PCDH12: variants seen among roughly 807,000 people sequenced by gnomAD.
The protein encoded by PCDH12 is protocadherin 12.
A neutral mutation model predicts 70.9 loss-of-function variants in PCDH12; 45 were observed. That is an observed-to-expected ratio of 0.63 (90% CI 0.50 to 0.81). The LOEUF is 0.81. PCDH12 is among the 40% of genes least tolerant of loss of function. The pLI is 0.00. For missense variants in PCDH12, 1,370 were observed against 1,491.7 expected (o/e 0.92, Z 1.34); for synonymous variants, 567 against 626.0 (o/e 0.91, Z 1.41).
chr5:141,951,596 A>C lies in PCDH12; in HGVS notation c.2881-6T>G, dbSNP rs1753083546. 6.2e-7 allele frequency: 1 copy of C among 1,611,118 alleles called. No individual in the cohort carries two copies. The highest frequency in any genetic ancestry group is 8.5e-7 in the Non-Finnish European group (1 of 1,177,294). On this transcript the variant is annotated splice_polypyrimidine_tract_variant and splice_region_variant and intron_variant, in intron 1 of 3. Coordinates refer to ENST00000231484, the MANE Select transcript of PCDH12 (RefSeq NM_016580.4). ...GACAGCAGCTGGGAGATTTGCTACA[A>C]GACAGGAAAAATCTGTTGACTCCAC... is the stretch of plus-strand genomic sequence containing the variant.
intron 3 of PCDH12, among the ~76,000 whole-genome samples, chr5:141,947,812 G>A (rs1408462396): frequency 6.6e-6 from 1 of 152,174 alleles, no homozygotes; most frequent in Non-Finnish European, 1.5e-5. Flanking sequence ...AGTCCAGCCT[G>A]TGAGCAGCAA....
rs1053113285 is a variant in PCDH12 at position 141,957,997 on chromosome 5, T to C, written c.-146A>G. The C allele has an allele frequency of 1.1e-6, 1 of 919,368 alleles. No homozygotes were observed. Among genetic ancestry groups the C allele is most frequent in the Non-Finnish European group, 1.6e-6 (1 of 624,796 alleles). 57.0% of individuals were successfully genotyped at this position (919,368 alleles called of 1,614,324 possible). On this transcript the variant is annotated 5_prime_UTR_variant, in exon 1 of 4. Transcript: ENST00000231484. This position sits in a 1 kb window ranked among gnomAD's most constrained non-coding sequence, Gnocchi z 4.3. ...ACAACCTTGTCCCATAGTTAGATGA[T>C]TATGAAACAAGCAGGACCCCAAGGC...
In PCDH12 at chr5:141,945,685, G is replaced by C. The variant is rs138061122; in HGVS notation, c.3251C>G (p.Pro1084Arg). The C allele has an allele frequency of 2.0e-5, 33 of 1,614,028 alleles. No homozygotes were observed. The highest frequency in any genetic ancestry group is 2.7e-5 in the African/African-American group (2 of 74,922). The change falls in exon 4 of 4, where the codon CCA (proline) becomes CGA (arginine). Residue 1084 changes from proline (P) to arginine (R), a missense_variant. Coordinates refer to ENST00000231484, the MANE Select transcript of PCDH12 (RefSeq NM_016580.4). The part of the protein sequence containing the change: ...ISPDAAATEE[P>R]RTFQTFGKAE... ...CTTGCCGAACGTCTGGAAGGTCCTT[G>C]GCTCCTCCGTGGCTGCAGCATCCGG...
rs769557227 is a variant in PCDH12 at position 141,955,866 on chromosome 5, A to T, written c.1986T>A (p.Asn662Lys). 1 of 1,614,000 alleles carries T rather than the reference A, an allele frequency of 6.2e-7. No homozygotes were observed. Among genetic ancestry groups the T allele is most frequent in the Non-Finnish European group, 8.5e-7 (1 of 1,180,026 alleles). ...HTGQLFVNVT[N>K]ASSLIGSEWE... ...ACTCACTCCCAATGAGGCTGCTGGC[A>T]TTGGTGACATTGACGAACAGCTGCC... Residue 662 changes from asparagine to lysine, a missense_variant, in exon 1 of 4, where the codon AAT becomes AAA. Asn to Lys is a moderately conservative substitution (Grantham distance 94). Coordinates refer to ENST00000231484, the MANE Select transcript of PCDH12 (RefSeq NM_016580.4). The surrounding 1 kb of genome is among the most constrained non-coding windows in gnomAD (Gnocchi z 5.5).
At chr5:141,954,852 A>G (rs1449208929) in intron 1 of PCDH12, 120 bp downstream of exon 1, 76 of 1,317,016 alleles carry the variant, frequency 5.8e-5, no homozygotes, top group Non-Finnish European at 7.9e-5. Context: ...CCAAAGCATC[A>G]GAAAGTGCCA....
In PCDH12 at chr5:141,957,428, G is replaced by T. The variant is rs201147415; in HGVS notation, c.424C>A (p.Leu142Met). The T allele has an allele frequency of 1.9e-6, 3 of 1,612,546 alleles. No homozygotes were observed. Among genetic ancestry groups the T allele is most frequent in the Non-Finnish European group, 2.5e-6 (3 of 1,179,324 alleles). The change falls in exon 1 of 4, where the codon CTG (leucine) becomes ATG (methionine). Residue 142 changes from leucine (L) to methionine (M), a missense_variant. Leu to Met is a conservative substitution (Grantham distance 15). Coordinates refer to ENST00000231484, the MANE Select transcript of PCDH12 (RefSeq NM_016580.4). This position sits in a 1 kb window ranked among gnomAD's most constrained non-coding sequence, Gnocchi z 4.3. ...AGAGAGGCGCTCTCAGAGATTTCCAGCTCCTGCTCGCCTTTGGGAAACCGT... is the reference window on the plus strand; with the variant it reads ...AGAGAGGCGCTCTCAGAGATTTCCATCTCCTGCTCGCCTTTGGGAAACCGT... ...QPRFPKGEQELEISESASLRT... is the reference protein window; with the variant it reads ...QPRFPKGEQEMEISESASLRT...
Position 141,956,486 on chromosome 5 carries a change from TGTC to T in PCDH12, c.1363_1365del (p.Asp455del), listed in dbSNP as rs1400614705. 1.9e-6 allele frequency: 3 copies of T among 1,614,096 alleles called. No individual in the cohort carries two copies. The highest frequency in any genetic ancestry group is 2.5e-6 in the Non-Finnish European group (3 of 1,180,038). On this transcript the variant is annotated inframe_deletion, in exon 1 of 4. Coordinates refer to ENST00000231484, the MANE Select transcript of PCDH12 (RefSeq NM_016580.4). ...CTGCTTTTCTCAAACACAGGTGCAT[TGTC>T]GTTGATGTCACTGATCTGAATGCTG... is the stretch of plus-strand genomic sequence containing the variant.
intron 2 of PCDH12, 148 bp from the exon 3 acceptor site, chr5:141,949,731 A>T (rs1753037677): frequency 3.8e-6 from 3 of 794,308 alleles, no homozygotes; most frequent in Non-Finnish European, 5.8e-6. Flanking sequence ...GGATCATGTG[A>T]TTCCCGCCCT....
In PCDH12 at chr5:141,951,440, A is replaced by C. The variant is rs568395520; in HGVS notation, c.2978+53T>G. The C allele has an allele frequency of 6.3e-5, 84 of 1,333,040 alleles. No individual in the cohort carries two copies. In the African/African-American group the frequency reaches 1.0e-3, roughly 16 times the overall value. 82.6% of individuals were successfully genotyped at this position (1,333,040 alleles called of 1,614,324 possible). On this transcript the variant is annotated intron_variant, in intron 2 of 3. Coordinates refer to ENST00000231484, the MANE Select transcript of PCDH12 (RefSeq NM_016580.4). ...CTCACTCACAGAGGCTGCAGTGATG[A>C]GGGGCGGCCAGTAGGGGCCTTGAGA...
chr5:141,957,599 A>G lies in PCDH12; in HGVS notation c.253T>C (p.Leu85=), dbSNP rs908791064. The change falls in exon 1 of 4, where the codon TTG becomes CTG. Residue 85 remains leucine, a synonymous_variant. Coordinates refer to ENST00000231484, the MANE Select transcript of PCDH12 (RefSeq NM_016580.4). The surrounding 1 kb of genome is among the most constrained non-coding windows in gnomAD (Gnocchi z 4.3). ...TCCAGCCGCCTGCCTGTGCTGAGCA[A>G]GCCTTCCTCAGAGTCCACCTGAATG... ...LPIQVDSEEG[L]LSTGRRLDRE... 6.2e-7 allele frequency: 1 copy of G among 1,614,180 alleles called. No homozygotes were observed. The highest frequency in any genetic ancestry group is 1.3e-5 in the African/African-American group (1 of 75,042).
At position 141,951,483 on chromosome 5, in the gene PCDH12, T is replaced by A. The variant is rs1218297988; in HGVS notation, c.2978+10A>T. The A allele has an allele frequency of 6.2e-7, 1 of 1,611,556 alleles. No homozygotes were observed. Among genetic ancestry groups the A allele is most frequent in the Non-Finnish European group, 8.5e-7 (1 of 1,177,740 alleles). On this transcript the variant is annotated intron_variant, in intron 2 of 3. Transcript: ENST00000231484. ...CCTTGAGATGCCTGTGGGGGCTACGTGCTGCTTACCTGCTGCCTCCTGGCT... is the reference window on the plus strand; with the variant it reads ...CCTTGAGATGCCTGTGGGGGCTACGAGCTGCTTACCTGCTGCCTCCTGGCT...
chr5:141,945,791 G>A lies in PCDH12; in HGVS notation c.3145C>T (p.Arg1049Trp), dbSNP rs200233494. 2.3e-5 allele frequency: 37 copies of A among 1,612,304 alleles called. No individual in the cohort carries two copies. The highest frequency in any genetic ancestry group is 3.5e-4 in the Middle Eastern group (2 of 5,650). Residue 1049 changes from arginine (R) to tryptophan (W), a missense_variant, in exon 4 of 4, where the codon CGG (arginine) becomes TGG (tryptophan). Arg to Trp is a moderately radical substitution (Grantham distance 101). Coordinates refer to ENST00000231484, the MANE Select transcript of PCDH12 (RefSeq NM_016580.4). ...LDPSTGLALD[R>W]LSAPDPAWMA... ...CAGGCCGGGTCAGGGGCGCTCAGCC[G>A]GTCCAGGGCCAGACCTGTGGGGGAA... is the stretch of plus-strand genomic sequence containing the variant.
At position 141,955,526 on chromosome 5, in the gene PCDH12, G is replaced by T. The variant is rs763675085; in HGVS notation, c.2326C>A (p.His776Asn). The T allele has an allele frequency of 6.2e-7, 1 of 1,614,138 alleles. No homozygotes were observed. The change falls in exon 1 of 4, where the codon CAC (histidine) becomes AAC (asparagine). Residue 776 changes from histidine (H) to asparagine (N), a missense_variant. Transcript: ENST00000231484. This position sits in a 1 kb window ranked among gnomAD's most constrained non-coding sequence, Gnocchi z 5.5. Reference protein sequence around the residue: ...PQKHIQKADIHLVPVLRGQAG... With the variant: ...PQKHIQKADINLVPVLRGQAG... ...TGACCCCTGAGCACAGGCACGAGGT[G>T]GATGTCTGCCTTCTGAATGTGTTTC...
intron 1 of PCDH12, among the ~76,000 whole-genome samples, chr5:141,954,395 G>A (rs1340823733): frequency 6.6e-6 from 1 of 152,228 alleles, no homozygotes; most frequent in Non-Finnish European, 1.5e-5. Context: ...GAAGTGCTTT[G>A]AGGAAGTAAT....
chr5:141,945,177 A>AAGACT lies in PCDH12; in HGVS notation c.*199_*203dup. 2 of 654,894 alleles carry AAGACT rather than the reference A, an allele frequency of 3.1e-6. No individual in the cohort carries two copies. The highest frequency in any genetic ancestry group is 3.9e-5 in the South Asian group (2 of 51,198). 40.6% of individuals were successfully genotyped at this position (654,894 alleles called of 1,614,324 possible). On this transcript the variant is annotated 3_prime_UTR_variant, in exon 4 of 4. Transcript: ENST00000231484. ...GCCACAAACCGTCCCTGTCCTCCAA[A>AAGACT]AGACTCAGAGCTGCTTACAAGGGGC...
chr5:141,957,708 C>T lies in PCDH12; in HGVS notation c.144G>A (p.Lys48=). Reference sequence around the variant, plus strand: ...CCTCCCGGCCCAGTTCCTGGGACAGCTTCCCGATCACTGTACCAGATGGCA... The same window carrying T: ...CCTCCCGGCCCAGTTCCTGGGACAGTTTCCCGATCACTGTACCAGATGGCA... ...EEVPSGTVIG[K]LSQELGREER... is the part of the protein sequence containing the mutation. Residue 48 remains lysine (K), a synonymous_variant, in exon 1 of 4, where the codon AAG becomes AAA. Coordinates refer to ENST00000231484, the MANE Select transcript of PCDH12 (RefSeq NM_016580.4). The surrounding 1 kb of genome is among the most constrained non-coding windows in gnomAD (Gnocchi z 4.3). 2 of 1,614,134 alleles carry T rather than the reference C, an allele frequency of 1.2e-6. No homozygotes were observed. The highest frequency in any genetic ancestry group is 1.7e-6 in the Non-Finnish European group (2 of 1,180,016).
chr5:141,947,574 G>A (rs1752969698), intron 3 of PCDH12, among the ~76,000 whole-genome samples: 1 of 152,222 alleles, frequency 6.6e-6, no homozygotes, highest in East Asian at 1.9e-4. Flanking sequence ...GGCAGTGTGT[G>A]TGACCTTGGG....
Position 141,955,873 on chromosome 5 carries a change from A to G in PCDH12, c.1979T>C (p.Val660Ala), listed in dbSNP as rs1753172827. ...CCCAATGAGGCTGCTGGCATTGGTG[A>G]CATTGACGAACAGCTGCCCCGTATG... The part of the protein sequence containing the change: ...NPHTGQLFVN[V>A]TNASSLIGSE... Residue 660 changes from valine to alanine, a missense_variant, in exon 1 of 4, where the codon GTC becomes GCC. Coordinates refer to ENST00000231484, the MANE Select transcript of PCDH12 (RefSeq NM_016580.4). The surrounding 1 kb of genome is among the most constrained non-coding windows in gnomAD (Gnocchi z 5.5). 6.2e-7 allele frequency: 1 copy of G among 1,614,036 alleles called. No individual in the cohort carries two copies. Among genetic ancestry groups the G allele is most frequent in the African/African-American group, 1.3e-5 (1 of 74,908 alleles).
Position 141,957,944 on chromosome 5 carries a change from CCG to C in PCDH12, c.-95_-94del. On this transcript the variant is annotated 5_prime_UTR_variant, in exon 1 of 4. An upstream open reading frame in the 5' UTR loses its in-frame stop. Coordinates refer to ENST00000231484, the MANE Select transcript of PCDH12 (RefSeq NM_016580.4). The surrounding 1 kb of genome is among the most constrained non-coding windows in gnomAD (Gnocchi z 4.3). The stretch of plus-strand genomic sequence containing the variant: ...TGTTTCCTGGATGGCTTGATCAGCC[CCG>C]TGCTCCTTCCCCCAGAGCTGCCGGC... 1 of 1,425,990 alleles carries C rather than the reference CCG, an allele frequency of 7.0e-7. No homozygotes were observed. Among genetic ancestry groups the C allele is most frequent in the African/African-American group, 1.4e-5 (1 of 70,438 alleles). 88.3% of individuals were successfully genotyped at this position (1,425,990 alleles called of 1,614,324 possible).
Sources: allele counts gnomAD v4.1 joint callset (sites outside exome capture counted in the v4.1 genomes callset), GRCh38; gene constraint gnomAD v4.1.1; non-coding constraint Gnocchi (gnomAD v3.1); transcripts MANE v1.5; gene names NCBI Gene and HGNC (gene_info 2026-07-23, HGNC 2026-07-21).